Variants in STK3 observed in about 807,000 individuals in gnomAD.
STK3 encodes serine/threonine kinase 3, also known as serine/threonine-protein kinase 3.
Under a neutral mutation model 58.0 loss-of-function variants are expected in STK3, and 41 were observed. The observed-to-expected ratio is 0.71, with a 90% CI of 0.55 to 0.92. STK3 has a LOEUF of 0.92. STK3 is among the 40% of genes least tolerant of loss of function. The pLI is 0.00. For synonymous variants in STK3, 170 were observed against 191.0 expected (o/e 0.89, Z 0.91); for missense variants, 479 against 602.7 (o/e 0.79, Z 2.15).
intron 2 of STK3, among the ~76,000 whole-genome samples, chr8:98,768,252 T>C (rs1362814829): frequency 6.6e-6 from 1 of 152,168 alleles, no homozygotes; most frequent in Non-Finnish European, 1.5e-5. Flanking sequence ...AACAGACCAG[T>C]AGGGCCAGAA....
At chr8:98,553,672 A>T (rs1170831662) in intron 8 of STK3, among the ~76,000 whole-genome samples, 1 of 152,110 alleles carries the variant, frequency 6.6e-6, no homozygotes, top group African/African-American at 2.4e-5. Flanking sequence ...GGTCTTTTTA[A>T]TTCTCTTTCG....
At position 98,455,697 on chromosome 8, in the gene STK3, T is replaced by G; in HGVS notation, c.*145A>C. 1.1e-6 allele frequency: 1 copy of G among 933,718 alleles called. No individual in the cohort carries two copies. The highest frequency in any genetic ancestry group is 1.6e-6 in the Non-Finnish European group (1 of 634,432). 57.8% of individuals were successfully genotyped at this position (933,718 alleles called of 1,614,324 possible). On this transcript the variant is annotated 3_prime_UTR_variant, in exon 11 of 11. Transcript: ENST00000419617. Reference sequence around the variant, plus strand: ...AACTGTCAATTCTGCCTTTTGGGAATTTACCTGGGCATGTACCATTGTCAC... The same window carrying G: ...AACTGTCAATTCTGCCTTTTGGGAAGTTACCTGGGCATGTACCATTGTCAC...
intron 3 of STK3, chr8:98,875,594 C>A (rs1177337832): frequency 6.6e-6 from 1 of 152,168 alleles, no homozygotes; most frequent in Non-Finnish European, 1.5e-5. Context: ...TCATTCTTCC[C>A]AGAGGTTAAG....
At chr8:98,372,018 C>T (rs895727322) in intron 2 of STK3, among the ~76,000 whole-genome samples, 13 of 152,062 alleles carry the variant, frequency 8.5e-5, no homozygotes, top group African/African-American at 1.7e-4. Context: ...TGACTAGTGC[C>T]CTTTTAAGAT....
chr8:98,865,494 G>T lies in STK3; in HGVS notation c.110+18153C>A, dbSNP rs187009875. Among the ~76,000 whole-genome samples the T allele has an allele frequency of 7.2e-4, 109 of 152,152 alleles. 2 individuals are homozygous for T. Among genetic ancestry groups the T allele is most frequent in the African/African-American group, 2.5e-3 (103 of 41,504 alleles). On this transcript the variant is annotated intron_variant, in intron 3 of 12. Transcript: ENST00000523601. The stretch of plus-strand genomic sequence containing the variant: ...CAATCCTCCTGCCTCAGCCTCCCAA[G>T]TAGCTAGAACTACAGGTGTTCACCA...
chr8:98,722,589 AGATAGATG>A (rs1044679998), intron 4 of STK3, among the ~76,000 whole-genome samples: 50 of 152,170 alleles, frequency 3.3e-4, no homozygotes, highest in African/African-American at 1.1e-3. Context: ...TCATTTTCCT[AGATAGATG>A]GAGTTTTGTT....
intron 3 of STK3, among the ~76,000 whole-genome samples, chr8:98,411,072 C>T (rs955554373): frequency 6.6e-6 from 1 of 152,332 alleles, no homozygotes; most frequent in Admixed American, 6.5e-5. Flanking sequence ...CATCCATGCC[C>T]ATTTGTACAC....
intron 6 of STK3, among the ~76,000 whole-genome samples, chr8:98,644,701 A>G (rs1820270870): frequency 6.6e-6 from 1 of 152,220 alleles, no homozygotes; most frequent in Non-Finnish European, 1.5e-5. Flanking sequence ...CAATGAAGGC[A>G]TATGACTCCT....
intron 1 of STK3, among the ~76,000 whole-genome samples, chr8:98,897,456 C>T (rs1027988689): frequency 6.6e-6 from 1 of 151,624 alleles, no homozygotes; most frequent in African/African-American, 2.4e-5. Context: ...CCAGCTACTC[C>T]GGAGGCTGAG....
At chr8:98,781,538 C>A (rs1309832692) in intron 1 of STK3, among the ~76,000 whole-genome samples, 1 of 152,126 alleles carries the variant, frequency 6.6e-6, no homozygotes, top group African/African-American at 2.4e-5. Flanking sequence ...TCCCACTATC[C>A]AGAGTTGAAA....
chr8:98,769,777 A>G (rs982959469), intron 2 of STK3, among the ~76,000 whole-genome samples: 3 of 152,258 alleles, frequency 2.0e-5, no homozygotes, highest in African/African-American at 7.2e-5. Context: ...TATAAGGACT[A>G]TAGAATGGGC....
At chr8:98,645,972 T>C (rs911550948) in intron 6 of STK3, among the ~76,000 whole-genome samples, 5 of 152,170 alleles carry the variant, frequency 3.3e-5, no homozygotes, top group Non-Finnish European at 7.3e-5. Context: ...CCAGTCGTGC[T>C]TCACCACTTT....
intron 1 of STK3, among the ~76,000 whole-genome samples, chr8:98,818,760 T>G (rs994022512): frequency 1.3e-5 from 2 of 152,226 alleles, no homozygotes; most frequent in Non-Finnish European, 2.9e-5. Context: ...ACTCCTATGA[T>G]GTACTTTCAG....
At chr8:98,440,051 T>C (rs1206608896) in intron 1 of STK3, among the ~76,000 whole-genome samples, 1 of 152,182 alleles carries the variant, frequency 6.6e-6, no homozygotes, top group Non-Finnish European at 1.5e-5. Context: ...TACTGATTCC[T>C]GGGGGCAGGA....
chr8:98,784,486 G>A (rs1832328226), intron 1 of STK3, among the ~76,000 whole-genome samples: 1 of 152,238 alleles, frequency 6.6e-6, no homozygotes, highest in African/African-American at 2.4e-5. Flanking sequence ...CCCCTGTGGT[G>A]CAGCAGGGCC....
chr8:98,376,892 T>C (rs1230840542), intron 2 of STK3, among the ~76,000 whole-genome samples: 1 of 152,232 alleles, frequency 6.6e-6, no homozygotes, highest in African/African-American at 2.4e-5. Context: ...TATGACTCAA[T>C]GATCTTCAAC....
intron 10 of STK3, among the ~76,000 whole-genome samples, chr8:98,497,812 T>C (rs987657060): frequency 1.3e-5 from 2 of 152,128 alleles, no homozygotes; most frequent in Admixed American, 6.5e-5. Flanking sequence ...TGCGAGGATG[T>C]AGAGAAATTG....
intron 1 of STK3, among the ~76,000 whole-genome samples, chr8:98,781,243 G>A (rs1405632885): frequency 6.6e-6 from 1 of 152,168 alleles, no homozygotes; most frequent in Admixed American, 6.5e-5. Flanking sequence ...AGAGAACCAA[G>A]TAATTTTGCT....
chr8:98,533,269 G>T (rs1826308057), intron 9 of STK3, among the ~76,000 whole-genome samples: 1 of 152,056 alleles, frequency 6.6e-6, no homozygotes, highest in Non-Finnish European at 1.5e-5. Flanking sequence ...TCTATGTGCA[G>T]ATCTTTAGTT....
Sources: gnomAD v4.1 joint callset for allele counts (sites outside exome capture counted in the v4.1 genomes callset) on GRCh38, gnomAD v4.1.1 for gene constraint, MANE v1.5 for transcripts, NCBI Gene and HGNC (gene_info 2026-07-23, HGNC 2026-07-21) for gene names.